Variants in ITFG1 observed in about 807,000 individuals in gnomAD.
The protein encoded by ITFG1 is integrin alpha FG-GAP repeat containing 1, also known as T-cell immunomodulatory protein.
ITFG1 carries 34 observed loss-of-function variants against 81.8 expected under a neutral mutation model. The ratio of observed to expected loss-of-function variants is 0.42; its 90% CI spans 0.32 to 0.55. The LOEUF (loss-of-function observed/expected upper bound fraction) is 0.55. Among genes scored for constraint, ITFG1 ranks in the 20% least tolerant of loss-of-function variants. ITFG1 has a pLI of 0.17. For missense variants in ITFG1, 672 were observed against 755.4 expected, an observed-to-expected ratio of 0.89 and a Z score of 1.29; for synonymous variants, 285 against 270.6, an observed-to-expected ratio of 1.05 and a Z score of -0.52.
intron 12 of ITFG1, among the ~76,000 whole-genome samples, chr16:47,241,623 G>A (rs1484396178): frequency 6.6e-6 from 1 of 152,146 alleles, no homozygotes; most frequent in Non-Finnish European, 1.5e-5. Context: ...TAAAGTAGAT[G>A]AGTGGTTGCC....
At chr16:47,223,606 C>T (rs1010406999) in intron 13 of ITFG1, among the ~76,000 whole-genome samples, 8 of 152,088 alleles carry the variant, frequency 5.3e-5, no homozygotes, top group African/African-American at 1.7e-4. Flanking sequence ...AACACTTTTA[C>T]ACTGTTGGTG....
At position 47,351,637 on chromosome 16, in the gene ITFG1, C is replaced by T. The variant is rs1967956893; in HGVS notation, c.802+14151G>A. ...ATATCGTGAACATTGCCATTCTGCC[C>T]CGGGCAATTTATAGATTCAGTGCCA... On this transcript the variant is annotated intron_variant, in intron 8 of 17. Transcript: ENST00000320640. Among the ~76,000 whole-genome samples, 6 of 152,118 alleles carry T rather than the reference C, an allele frequency of 3.9e-5. No individual in the cohort carries two copies. In the South Asian group the frequency reaches 1.2e-3, roughly 31 times the overall value.
intron 5 of ITFG1, among the ~76,000 whole-genome samples, chr16:47,430,723 G>T (rs1271713825): frequency 6.6e-6 from 1 of 152,126 alleles, no homozygotes; most frequent in Admixed American, 6.5e-5. Context: ...AACTCAGAAT[G>T]GATGAAAGAA....
intron 14 of ITFG1, among the ~76,000 whole-genome samples, chr16:47,201,471 T>C (rs1183768679): frequency 6.6e-6 from 1 of 152,116 alleles, no homozygotes; most frequent in East Asian, 1.9e-4. Context: ...CCTCCCAGAG[T>C]GCTGGGATTA....
chr16:47,256,514 T>G (rs1030893057), intron 12 of ITFG1, among the ~76,000 whole-genome samples: 1 of 152,252 alleles, frequency 6.6e-6, no homozygotes, highest in Non-Finnish European at 1.5e-5. Flanking sequence ...AGATAAGGAA[T>G]GTACTTCAAC....
chr16:47,332,411 C>G (rs1178255404), intron 8 of ITFG1, among the ~76,000 whole-genome samples: 4 of 152,092 alleles, frequency 2.6e-5, no homozygotes. Flanking sequence ...GCTTTTACCT[C>G]TACAAGCACT....
At chr16:47,461,238 C>T (rs1969542229), upstream of ITFG1, 2 of 1,025,978 alleles carry the variant, frequency 1.9e-6, no homozygotes, top group Non-Finnish European at 2.8e-6. Context: ...GAAAGCCGCC[C>T]TCACGCTCAC....
intron 14 of ITFG1, among the ~76,000 whole-genome samples, chr16:47,203,730 G>C (rs926594664): frequency 6.6e-6 from 1 of 152,186 alleles, no homozygotes; most frequent in Non-Finnish European, 1.5e-5. Flanking sequence ...TTGCTCACCT[G>C]CTGCTCACCT....
At chr16:47,211,765 T>C (rs1281798444) in intron 14 of ITFG1, among the ~76,000 whole-genome samples, 3 of 152,156 alleles carry the variant, frequency 2.0e-5, no homozygotes, top group Admixed American at 6.6e-5. Flanking sequence ...AATATGACCA[T>C]GTGGTTTGTT....
chr16:47,239,502 TA>T (rs1041906253), intron 12 of ITFG1, among the ~76,000 whole-genome samples: 7 of 152,270 alleles, frequency 4.6e-5, no homozygotes, highest in East Asian at 1.9e-4. Flanking sequence ...TCTGGCCAGA[TA>T]TTTTTTTTAT....
At chr16:47,205,812 C>G (rs914294786) in intron 14 of ITFG1, among the ~76,000 whole-genome samples, 1 of 151,426 alleles carries the variant, frequency 6.6e-6, no homozygotes, top group South Asian at 2.1e-4. Context: ...TGTCAATTTC[C>G]CCAGCTGGAA....
At chr16:47,275,767 C>T (rs1230356445) in intron 10 of ITFG1, among the ~76,000 whole-genome samples, 1 of 152,050 alleles carries the variant, frequency 6.6e-6, no homozygotes, top group African/African-American at 2.4e-5. Flanking sequence ...TTTAGACTGA[C>T]TTTAAAACCT....
intron 14 of ITFG1, among the ~76,000 whole-genome samples, chr16:47,187,564 G>C (rs1965237683): frequency 6.6e-6 from 1 of 152,126 alleles, no homozygotes; most frequent in Middle Eastern, 3.2e-3. Context: ...GCCATATTTA[G>C]AAAGCTGAAA....
rs1454482620 is a variant in ITFG1, at chr16:47,181,628, C to CTA, written c.1454-18965_1454-18964insTA. ...TGAGGGGCGCCTCTGCCCGGCCGCC[C>CTA]CTACTGGGAAGTGAGGAGCCCCTCT... On this transcript the variant is annotated intron_variant, in intron 14 of 17. Transcript: ENST00000320640. Among the ~76,000 whole-genome samples the CTA allele has an allele frequency of 3.5e-3, 528 of 151,656 alleles. 5 individuals are homozygous for CTA. The highest frequency in any genetic ancestry group is 0.021 in the Middle Eastern group (6 of 292).
intron 6 of ITFG1, among the ~76,000 whole-genome samples, chr16:47,395,197 A>G (rs2151597187): frequency 6.6e-6 from 1 of 152,308 alleles, no homozygotes; most frequent in South Asian, 2.1e-4. Flanking sequence ...GACTTAGTTC[A>G]TCTTCAACCT....
chr16:47,421,217 CG>C (rs1968942146), intron 6 of ITFG1, among the ~76,000 whole-genome samples: 1 of 148,536 alleles, frequency 6.7e-6, no homozygotes, highest in Non-Finnish European at 1.5e-5. Flanking sequence ...AGTCTAAAAA[CG>C]TATGTGTGTG....
At chr16:47,269,476 C>T (rs1201263776) in intron 10 of ITFG1, among the ~76,000 whole-genome samples, 1 of 139,088 alleles carries the variant, frequency 7.2e-6, no homozygotes, top group African/African-American at 2.8e-5. Flanking sequence ...TAGAAAGACC[C>T]TGTCTCTATT....
intron 6 of ITFG1, among the ~76,000 whole-genome samples, chr16:47,377,206 T>C (rs544304216): frequency 6.6e-6 from 1 of 152,282 alleles, no homozygotes; most frequent in East Asian, 1.9e-4. Flanking sequence ...TATAATTAGT[T>C]GAACTCAAAA....
intron 8 of ITFG1, among the ~76,000 whole-genome samples, chr16:47,349,343 C>G (rs9941094): frequency 6.6e-6 from 1 of 151,784 alleles, no homozygotes; most frequent in Non-Finnish European, 1.5e-5. Flanking sequence ...CACATAGGCT[C>G]AAAATAAAGG....
Sources: gnomAD v4.1 joint callset for allele counts (sites outside exome capture counted in the v4.1 genomes callset) on GRCh38, gnomAD v4.1.1 for gene constraint, MANE v1.5 for transcripts, NCBI Gene and HGNC (gene_info 2026-07-23, HGNC 2026-07-21) for gene names.